Variants in CDYL observed in about 807,000 individuals in gnomAD.
CDYL encodes the protein chromodomain Y-like protein.
CDYL carries 8 observed loss-of-function variants against 47.3 expected under a neutral mutation model. The observed-to-expected ratio is 0.17, with a 90% CI of 0.10 to 0.31. CDYL has a LOEUF of 0.31. CDYL is among the 10% of genes least tolerant of loss of function. The probability of loss-of-function intolerance (pLI) is 1.00; values close to 1 mark genes in which losing one functional copy is unlikely to be tolerated. For missense variants in CDYL, 471 were observed against 701.4 expected, an observed-to-expected ratio of 0.67 and a Z score of 3.71; for synonymous variants, 266 against 265.0, an observed-to-expected ratio of 1.00 and a Z score of -0.04.
rs1252932893 is a variant in CDYL, at chr6:4,842,099, ATATT to A, written c.25-49610_25-49607del. The stretch of plus-strand genomic sequence containing the variant: ...TATAATTATATATTATTTATATCAT[ATATT>A]TATATTATTTATATATAAACTTGTT... On this transcript the variant is annotated intron_variant, in intron 1 of 6. Coordinates refer to ENST00000397588, the MANE Select transcript of CDYL (RefSeq NM_004824.4). Among the ~76,000 whole-genome samples, 4 of 143,324 alleles carry A rather than the reference ATATT, an allele frequency of 2.8e-5. No individual in the cohort carries two copies. In the South Asian group the frequency reaches 6.4e-4, roughly 23 times the overall value. The allele number at this position is 143,324 out of a possible 152,430, so 94.0% of individuals were successfully genotyped here.
chr6:4,803,830 G>T (rs1044506085), intron 1 of CDYL, among the ~76,000 whole-genome samples: 9 of 149,526 alleles, frequency 6.0e-5, no homozygotes, highest in African/African-American at 2.2e-4. Flanking sequence ...GTAGTTAAAA[G>T]ATATTTTATC....
intron 4 of CDYL, among the ~76,000 whole-genome samples, chr6:4,942,380 T>C (rs930117518): frequency 2.0e-5 from 3 of 152,132 alleles, no homozygotes; most frequent in African/African-American, 7.2e-5. Context: ...TGGGGAGCTA[T>C]CTCAGATGCT....
intron 3 of CDYL, among the ~76,000 whole-genome samples, chr6:4,741,908 A>G (rs1277861509): frequency 6.6e-6 from 1 of 152,182 alleles, no homozygotes; most frequent in African/African-American, 2.4e-5. Flanking sequence ...CATCTCACTC[A>G]AAGTCCAGAA....
At chr6:4,838,842 A>G (rs1760402686) in intron 1 of CDYL, among the ~76,000 whole-genome samples, 1 of 152,024 alleles carries the variant, frequency 6.6e-6, no homozygotes, top group Non-Finnish European at 1.5e-5. Context: ...GAGTGTTACC[A>G]CACCTGGCTA....
At chr6:4,921,636 T>C (rs1757719873) in intron 2 of CDYL, among the ~76,000 whole-genome samples, 1 of 152,212 alleles carries the variant, frequency 6.6e-6, no homozygotes, top group Non-Finnish European at 1.5e-5. Flanking sequence ...TTGTGTCATA[T>C]GCTTTTTAAC....
chr6:4,819,304 T>A (rs774868828), intron 1 of CDYL, among the ~76,000 whole-genome samples: 1 of 152,050 alleles, frequency 6.6e-6, no homozygotes, highest in African/African-American at 2.4e-5. Context: ...GGATACTTTA[T>A]TCATACTCAA....
intron 3 of CDYL, among the ~76,000 whole-genome samples, chr6:4,762,408 TAATC>T (rs1264691004): frequency 6.6e-6 from 1 of 151,786 alleles, no homozygotes; most frequent in East Asian, 1.9e-4. Flanking sequence ...TAATAAAAAA[TAATC>T]AGACACACAA....
rs375199525 is a variant in CDYL at position 4,952,397 on chromosome 6, G to A, written c.1464G>A (p.Ser488=). ...EVMVRIKELA[S]CNPVVLEESK... ...TGGTTCGCATTAAGGAGCTTGCCTC[G>A]TGCAATCCAGTTGTATGTCTAATTG... The change falls in exon 6 of 7, where the codon TCG becomes TCA. Residue 488 remains serine, a synonymous_variant. Transcript: ENST00000397588. 1.5e-5 allele frequency: 25 copies of A among 1,613,306 alleles called. No homozygotes were observed. The highest frequency in any genetic ancestry group is 8.0e-5 in the African/African-American group (6 of 74,896).
chr6:4,894,076 A>G (rs1469834015), intron 2 of CDYL, among the ~76,000 whole-genome samples: 1 of 152,214 alleles, frequency 6.6e-6, no homozygotes, highest in Non-Finnish European at 1.5e-5. Flanking sequence ...TCATGGATAC[A>G]GTTTTCTCTT....
intron 2 of CDYL, among the ~76,000 whole-genome samples, chr6:4,903,702 T>G (rs1213867505): frequency 1.3e-5 from 2 of 152,226 alleles, no homozygotes; most frequent in African/African-American, 4.8e-5. Context: ...CCCCTGCAGC[T>G]GGAGTCTGCT....
At chr6:4,847,500 C>T (rs1476314311) in intron 1 of CDYL, among the ~76,000 whole-genome samples, 2 of 152,184 alleles carry the variant, frequency 1.3e-5, no homozygotes, top group African/African-American at 4.8e-5. Context: ...CATCTGTATT[C>T]TTAACCTGAT....
chr6:4,861,161 C>T (rs548339255), intron 1 of CDYL, among the ~76,000 whole-genome samples: 1 of 152,202 alleles, frequency 6.6e-6, no homozygotes, highest in East Asian at 1.9e-4. Context: ...AAATGTGATG[C>T]TATGAGCAAA....
chr6:4,924,614 T>C (rs1197773315), intron 2 of CDYL, among the ~76,000 whole-genome samples: 1 of 152,350 alleles, frequency 6.6e-6, no homozygotes, highest in South Asian at 2.1e-4. Flanking sequence ...TTATGACATC[T>C]TGAAGCATAT....
At chr6:4,869,097 T>C (rs1761402250) in intron 1 of CDYL, among the ~76,000 whole-genome samples, 1 of 149,844 alleles carries the variant, frequency 6.7e-6, no homozygotes, top group Non-Finnish European at 1.5e-5. Flanking sequence ...CATTTCTTTC[T>C]TATTTTTTTT....
intron 2 of CDYL, among the ~76,000 whole-genome samples, chr6:4,895,095 ATG>A (rs1477650306): frequency 3.3e-5 from 5 of 150,928 alleles, no homozygotes; most frequent in African/African-American, 4.9e-5. Flanking sequence ...ATATATGTAC[ATG>A]TGTGTATATG....
chr6:4,900,818 T>TCTATATCTATATAGAGATAG, intron 2 of CDYL, among the ~76,000 whole-genome samples: 1 of 91,300 alleles, frequency 1.1e-5, no homozygotes, highest in African/African-American at 4.6e-5. Context: ...TATATATATA[T>TCTATATCTATATAGAGATAG]ATATATATAT....
chr6:4,888,554 G>A (rs1761958323), intron 1 of CDYL, among the ~76,000 whole-genome samples: 1 of 152,026 alleles, frequency 6.6e-6, no homozygotes, highest in Admixed American at 6.5e-5. Context: ...GTAAAAGTTT[G>A]TCAATTTTGT....
chr6:4,923,360 C>T (rs916009290), intron 2 of CDYL, among the ~76,000 whole-genome samples: 2 of 152,154 alleles, frequency 1.3e-5, no homozygotes, highest in Non-Finnish European at 2.9e-5. Context: ...AGCATGATGT[C>T]CTCCAGGTTC....
chr6:4,894,729 G>A (rs1203020582), intron 2 of CDYL, among the ~76,000 whole-genome samples: 1 of 152,064 alleles, frequency 6.6e-6, no homozygotes, highest in East Asian at 1.9e-4. Flanking sequence ...GATTACAGGC[G>A]TGAGCCACTG....
Sources: allele counts gnomAD v4.1 joint callset (sites outside exome capture counted in the v4.1 genomes callset), GRCh38; gene constraint gnomAD v4.1.1; transcripts MANE v1.5; gene names NCBI Gene and HGNC (gene_info 2026-07-23, HGNC 2026-07-21).